SENP7: variants seen among roughly 807,000 people sequenced by gnomAD.
SENP7 encodes the protein SUMO specific peptidase 7.
A neutral mutation model predicts 141.2 loss-of-function variants in SENP7; 64 were observed. That is an observed-to-expected ratio of 0.45 (90% CI 0.37 to 0.56). The LOEUF (loss-of-function observed/expected upper bound fraction) is 0.56, where lower values mean the gene tolerates loss of function less well. SENP7 is among the 20% of genes least tolerant of loss of function. The probability of loss-of-function intolerance (pLI) is 0.00; values close to 1 mark genes in which losing one functional copy is unlikely to be tolerated. For synonymous variants in SENP7, 382 were observed against 426.4 expected (o/e 0.90, Z 1.28); for missense variants, 1,025 against 1,212.2 (o/e 0.85, Z 2.29).
chr3:101,495,390 C>T (rs747943061), intron 2 of SENP7, among the ~76,000 whole-genome samples: 60 of 152,138 alleles, frequency 3.9e-4, no homozygotes, highest in Non-Finnish European at 7.8e-4. Flanking sequence ...CCTAGCAACA[C>T]CATTACTGGG....
At chr3:101,491,272 A>G (rs1343631523) in intron 3 of SENP7, among the ~76,000 whole-genome samples, 1 of 150,546 alleles carries the variant, frequency 6.6e-6, no homozygotes. Flanking sequence ...ACAGGTGCAC[A>G]AGACCACGCC....
intron 4 of SENP7, among the ~76,000 whole-genome samples, chr3:101,438,708 T>G (rs989420305): frequency 2.0e-5 from 3 of 152,212 alleles, no homozygotes; most frequent in Non-Finnish European, 4.4e-5. Context: ...ATAAAGTCGG[T>G]TTCAACGAAT....
chr3:101,369,033 TC>T (rs1004167284), intron 7 of SENP7, among the ~76,000 whole-genome samples: 25 of 152,300 alleles, frequency 1.6e-4, no homozygotes, highest in African/African-American at 5.1e-4. Context: ...CTCCAATAAA[TC>T]CATCATTCTA....
At chr3:101,394,327 G>A (rs1454205224) in intron 6 of SENP7, among the ~76,000 whole-genome samples, 1 of 151,972 alleles carries the variant, frequency 6.6e-6, no homozygotes, top group Non-Finnish European at 1.5e-5. Flanking sequence ...TACAGACACC[G>A]TATTTCCATT....
At chr3:101,333,177 G>T (rs988199637) in intron 17 of SENP7, 2 of 279,442 alleles carry the variant, frequency 7.2e-6, no homozygotes, top group African/African-American at 4.4e-5. Context: ...GCTCCATCTG[G>T]GCATGATATA....
At chr3:101,356,901 G>A (rs1010996496) in intron 11 of SENP7, among the ~76,000 whole-genome samples, 6 of 152,092 alleles carry the variant, frequency 3.9e-5, no homozygotes, top group East Asian at 1.9e-4. Flanking sequence ...TATTTGTAAC[G>A]GTTGTCTTCA....
At chr3:101,337,782 G>A (rs947356313) in intron 16 of SENP7, 151 bp from the exon 17 acceptor site, 16 of 592,044 alleles carry the variant, frequency 2.7e-5, no homozygotes, top group Middle Eastern at 6.7e-4. Context: ...TTTCAGTTTG[G>A]TTAGTTACCT....
At chr3:101,329,381 G>A (rs187730175) in intron 20 of SENP7, among the ~76,000 whole-genome samples, 18 of 152,162 alleles carry the variant, frequency 1.2e-4, no homozygotes, top group South Asian at 2.1e-4. Flanking sequence ...TTTTGCCGCC[G>A]TGACAGCAGG....
At position 101,421,617 on chromosome 3, in the gene SENP7, T is replaced by G. The variant is rs139636927; in HGVS notation, c.285-3827A>C. Among the ~76,000 whole-genome samples the G allele has an allele frequency of 6.1e-3, 931 of 152,342 alleles. 6 individuals carry two copies. Among genetic ancestry groups the G allele is most frequent in the African/African-American group, 0.022 (897 of 41,584 alleles). On this transcript the variant is annotated intron_variant, in intron 4 of 23. Coordinates refer to ENST00000394095, the MANE Select transcript of SENP7 (RefSeq NM_020654.5). ...ACAAATCATTGGTAATTTTACTGAT[T>G]ATTCTAATAGTGAGGCTCTAAATGA...
Position 101,415,222 on chromosome 3 carries a change from C to A in SENP7, c.482+2371G>T, listed in dbSNP as rs141494961. 4.2e-3 allele frequency among the ~76,000 whole-genome samples: 633 copies of A among 152,312 alleles called. 2 individuals carry two copies. Among genetic ancestry groups the A allele is most frequent in the Non-Finnish European group, 6.1e-3 (412 of 68,016 alleles). On this transcript the variant is annotated intron_variant, in intron 5 of 23. Coordinates refer to ENST00000394095, the MANE Select transcript of SENP7 (RefSeq NM_020654.5). Reference sequence around the variant, plus strand: ...GGAGGGAGACTAGTTTAGATAAGAACTTTGAAAGGTTCCTTGATCCCCATT... The same window carrying A: ...GGAGGGAGACTAGTTTAGATAAGAAATTTGAAAGGTTCCTTGATCCCCATT...
intron 12 of SENP7, among the ~76,000 whole-genome samples, chr3:101,350,864 ATACT>A (rs773010103): frequency 4.0e-4 from 61 of 151,928 alleles, no homozygotes; most frequent in Admixed American, 9.8e-4. Flanking sequence ...TATATTCTTA[ATACT>A]TAATTAAGAT....
intron 6 of SENP7, among the ~76,000 whole-genome samples, chr3:101,383,537 C>T (rs997395607): frequency 1.3e-5 from 2 of 152,188 alleles, no homozygotes; most frequent in Non-Finnish European, 2.9e-5. Flanking sequence ...CCCATGCCCC[C>T]GCACACTCAG....
chr3:101,506,758 T>G (rs2065631164), intron 1 of SENP7, among the ~76,000 whole-genome samples: 1 of 152,230 alleles, frequency 6.6e-6, no homozygotes, highest in African/African-American at 2.4e-5. Context: ...AAGGCACAAC[T>G]GAACTGGGCT....
chr3:101,407,084 A>G lies in SENP7; in HGVS notation c.483-8029T>C, dbSNP rs541349286. 2.0e-5 allele frequency among the ~76,000 whole-genome samples: 3 copies of G among 152,334 alleles called. No homozygotes were observed. The South Asian group carries it at 6.2e-4, about 32-fold the overall frequency. ...AAAAGGAGCTCTAAACCTTAAAACA[A>G]ATCCTAGAAACACATCAAAACAGAA... On this transcript the variant is annotated intron_variant, in intron 5 of 23. Transcript: ENST00000394095.
chr3:101,362,603 G>A (rs912821692), intron 10 of SENP7, among the ~76,000 whole-genome samples: 11 of 152,130 alleles, frequency 7.2e-5, no homozygotes, highest in African/African-American at 2.7e-4. Flanking sequence ...TATGGCCCTG[G>A]CTCTCCTCAA....
chr3:101,389,585 C>G (rs1028530202), intron 6 of SENP7, among the ~76,000 whole-genome samples: 9 of 151,896 alleles, frequency 5.9e-5, no homozygotes, highest in African/African-American at 2.2e-4. Flanking sequence ...AAGAGTTTTT[C>G]CCAGACAAGC....
At chr3:101,479,892 C>CAAAAAAAAAAAAAAA (rs1168285268) in intron 3 of SENP7, among the ~76,000 whole-genome samples, 5 of 7,346 alleles carry the variant, frequency 6.8e-4, no homozygotes, top group Non-Finnish European at 1.1e-3. Context: ...ACAACAGCTA[C>CAAAAAAAAAAAAAAA]AAAAAAAAAA....
chr3:101,487,636 T>C (rs1283666400), intron 3 of SENP7, among the ~76,000 whole-genome samples: 1 of 152,236 alleles, frequency 6.6e-6, no homozygotes, highest in Non-Finnish European at 1.5e-5. Flanking sequence ...TTAATTTTTG[T>C]ATATGGTAAA....
rs772857793 is a variant in SENP7, at chr3:101,458,982, G to C, written c.257C>G (p.Pro86Arg). Residue 86 changes from proline (P) to arginine (R), a missense_variant, in exon 4 of 24, where the codon CCT becomes CGT. Physicochemically the swap from Pro to Arg is moderately radical, Grantham distance 103. Transcript: ENST00000394095. ...HKNKKHIRGC[P>R]VTSKSSPERQ... ...TTCTGGTGATGACTTGGAAGTAACA[G>C]GACACCCTCGGATATGTTTTTTATT... The C allele has an allele frequency of 1.2e-6, 2 of 1,609,046 alleles. No homozygotes were observed. The highest frequency in any genetic ancestry group is 1.7e-6 in the Non-Finnish European group (2 of 1,176,410).
Sources: allele counts gnomAD v4.1 joint callset (sites outside exome capture counted in the v4.1 genomes callset), GRCh38; gene constraint gnomAD v4.1.1; transcripts MANE v1.5; gene names NCBI Gene and HGNC (gene_info 2026-07-23, HGNC 2026-07-21).